The following NFIC variants were observed in gnomAD, a reference collection of about 807,000 sequenced individuals.
The protein encoded by NFIC is nuclear factor I C.
In NFIC, 12 loss-of-function variants were observed where a neutral mutation model predicts 54.4. That is an observed-to-expected ratio of 0.22 (90% CI 0.14 to 0.36). NFIC has a LOEUF of 0.36. NFIC is among the 10% of genes least tolerant of loss of function. The pLI, the probability that NFIC is intolerant of heterozygous loss-of-function variation, is 1.00. For missense variants in NFIC, 575 were observed against 718.2 expected (o/e 0.80, Z 2.28); for synonymous variants, 322 against 319.2 (o/e 1.01, Z -0.09).
At chr19:3,361,057 C>T (rs2080804344) in intron 1 of NFIC, among the ~76,000 whole-genome samples, 1 of 152,220 alleles carries the variant, frequency 6.6e-6, no homozygotes. Flanking sequence ...CTTTTCAAAA[C>T]TCTGTCCCTT....
chr19:3,443,021 G>A (rs951770137), intron 6 of NFIC, among the ~76,000 whole-genome samples: 2 of 152,238 alleles, frequency 1.3e-5, no homozygotes, highest in Admixed American at 6.5e-5. Flanking sequence ...GACATGGAGT[G>A]GGTCGAGGCC....
intron 2 of NFIC, among the ~76,000 whole-genome samples, chr19:3,396,539 T>G (rs533978129): frequency 1.3e-5 from 2 of 151,240 alleles, no homozygotes; most frequent in East Asian, 1.9e-4. Context: ...ACACCCTCAC[T>G]GGGTCTGGAT....
intron 1 of NFIC, among the ~76,000 whole-genome samples, chr19:3,376,151 A>G (rs937669204): frequency 2.0e-5 from 3 of 152,074 alleles, no homozygotes; most frequent in African/African-American, 7.2e-5. Flanking sequence ...CATCGCAGCA[A>G]TCGCGTCCAT....
intron 7 of NFIC, among the ~76,000 whole-genome samples, chr19:3,450,932 G>A (rs985846021): frequency 1.3e-5 from 2 of 152,228 alleles, no homozygotes; most frequent in African/African-American, 4.8e-5. Flanking sequence ...TATATGTCCT[G>A]TGGCAGCTCT....
chr19:3,428,619 C>T (rs999065237), intron 3 of NFIC, among the ~76,000 whole-genome samples: 4 of 152,050 alleles, frequency 2.6e-5, no homozygotes, highest in African/African-American at 4.8e-5. Context: ...GTCTGTGACC[C>T]GGGTCCTCCG....
Position 3,382,196 on chromosome 19 carries a change from C to T in NFIC, c.515C>T (p.Ala172Val). 1 of 1,609,612 alleles carries T rather than the reference C, an allele frequency of 6.2e-7. No individual in the cohort carries two copies. The highest frequency in any genetic ancestry group is 8.5e-7 in the Non-Finnish European group (1 of 1,179,824). Residue 172 changes from alanine (A) to valine (V), a missense_variant, in exon 2 of 11, where the codon GCC becomes GTC. Coordinates refer to ENST00000443272, the MANE Select transcript of NFIC (RefSeq NM_001245002.2). ...GTGCAGCCGCACCACATTGGCGTGG[C>T]CGTCAAGGAGCTGGACCTCTACCTG... ...LCVQPHHIGV[A>V]VKELDLYLAY...
chr19:3,364,820 T>A (rs185164604), upstream of NFIC, among the ~76,000 whole-genome samples: 25 of 152,302 alleles, frequency 1.6e-4, no homozygotes, highest in East Asian at 4.8e-3. Context: ...CAACTGCAAC[T>A]TTTAAATATC....
chr19:3,381,992 G>A lies in NFIC; in HGVS notation c.311G>A (p.Cys104Tyr). 1 of 1,613,520 alleles carries A rather than the reference G, an allele frequency of 6.2e-7. No homozygotes were observed. The highest frequency in any genetic ancestry group is 8.5e-7 in the Non-Finnish European group (1 of 1,179,934). Residue 104 changes from cysteine (C) to tyrosine (Y), a missense_variant, in exon 2 of 11, where the codon TGC becomes TAC. Cys to Tyr is a radical substitution (Grantham distance 194). Coordinates refer to ENST00000443272, the MANE Select transcript of NFIC (RefSeq NM_001245002.2). ...LSITGKKAPG[C>Y]VLSNPDQKGK... ...ATCACCGGCAAGAAGGCGCCGGGCT[G>A]CGTGCTCTCCAACCCCGACCAGAAG... is the stretch of plus-strand genomic sequence containing the variant.
At chr19:3,366,516 A>AT (rs2080885455), upstream of NFIC, 1 of 367,890 alleles carries the variant, frequency 2.7e-6, no homozygotes, top group South Asian at 2.9e-5. Context: ...CGGCGAGGAG[A>AT]GCGCGCCGGC....
At position 3,370,504 on chromosome 19, in the gene NFIC, T is replaced by C. The variant is rs1599555752; in HGVS notation, c.30+3838T>C. On this transcript the variant is annotated intron_variant, in intron 1 of 10. Coordinates refer to ENST00000443272, the MANE Select transcript of NFIC (RefSeq NM_001245002.2). This position sits in a 1 kb window ranked among gnomAD's most constrained non-coding sequence, Gnocchi z 5.2. ...TCCTCTCTCTCTCTCTCTCTCTCTGTCTCCCTCCCTTTCTCCCCCCATCTC... is the reference window on the plus strand; with the variant it reads ...TCCTCTCTCTCTCTCTCTCTCTCTGCCTCCCTCCCTTTCTCCCCCCATCTC... 2.0e-5 allele frequency among the ~76,000 whole-genome samples: 3 copies of C among 149,780 alleles called. No homozygotes were observed. Among genetic ancestry groups the C allele is most frequent in the African/African-American group, 7.4e-5 (3 of 40,362 alleles).
intron 2 of NFIC, among the ~76,000 whole-genome samples, chr19:3,404,524 GC>G (rs1389368287): frequency 6.6e-6 from 1 of 152,056 alleles, no homozygotes; most frequent in Non-Finnish European, 1.5e-5. Context: ...CTGCAGAGGG[GC>G]TGGGGGAGGC....
intron 2 of NFIC, among the ~76,000 whole-genome samples, chr19:3,382,671 G>C (rs971166956): frequency 3.3e-5 from 5 of 150,318 alleles, no homozygotes; most frequent in African/African-American, 1.2e-4. Context: ...TCCAAGCGGG[G>C]AGGCGGGCCT....
At chr19:3,419,813 AT>A (rs1333085704) in intron 2 of NFIC, among the ~76,000 whole-genome samples, 8 of 145,836 alleles carry the variant, frequency 5.5e-5, no homozygotes, top group East Asian at 2.0e-4. Context: ...AAAAAAAAAA[AT>A]TTAATTTAAT....
At position 3,433,500 on chromosome 19, in the gene NFIC, G is replaced by C; in HGVS notation, c.635-18G>C. On this transcript the variant is annotated intron_variant, in intron 3 of 10. Coordinates refer to ENST00000443272, the MANE Select transcript of NFIC (RefSeq NM_001245002.2). ...AGGCCCAGCTCAGCCTACTGACCCC[G>C]CTGTCTTCCTGTTCCAGACACGACC... The C allele has an allele frequency of 6.2e-7, 1 of 1,612,766 alleles. No individual in the cohort carries two copies. Among genetic ancestry groups the C allele is most frequent in the African/African-American group, 1.3e-5 (1 of 75,018 alleles).
chr19:3,367,623 G>T (rs1245964233), intron 1 of NFIC, among the ~76,000 whole-genome samples: 1 of 152,236 alleles, frequency 6.6e-6, no homozygotes, highest in Non-Finnish European at 1.5e-5. Context: ...GGCTCCCGGG[G>T]ACCCCGAGGT....
At chr19:3,390,854 CAGGGGCTGGGGA>C (rs1052213251) in intron 2 of NFIC, among the ~76,000 whole-genome samples, 1 of 107,676 alleles carries the variant, frequency 9.3e-6, no homozygotes, top group African/African-American at 3.6e-5. Context: ...TGGGGGGTGC[CAGGGGCTGGGGA>C]GGGGGCTGGG....
intron 2 of NFIC, among the ~76,000 whole-genome samples, chr19:3,395,084 C>T (rs1270220222): frequency 1.3e-5 from 2 of 152,058 alleles, no homozygotes; most frequent in East Asian, 1.9e-4. Flanking sequence ...GGAGGCTGGG[C>T]GCGGTGGCTC....
chr19:3,435,327 G>A (rs1207370835), intron 6 of NFIC, 120 bp downstream of exon 6: 3 of 1,354,746 alleles, frequency 2.2e-6, no homozygotes, highest in Non-Finnish European at 2.9e-6. Flanking sequence ...GGAGCCGCGG[G>A]GCCTCCTGGG....
intron 6 of NFIC, among the ~76,000 whole-genome samples, chr19:3,439,185 A>T (rs1250063831): frequency 1.3e-5 from 2 of 150,818 alleles, no homozygotes; most frequent in Non-Finnish European, 3.0e-5. Flanking sequence ...AAAAAAAAAA[A>T]ATAGCATCAC....
Sources: allele counts gnomAD v4.1 joint callset (sites outside exome capture counted in the v4.1 genomes callset), GRCh38; gene constraint gnomAD v4.1.1; non-coding constraint Gnocchi (gnomAD v3.1); transcripts MANE v1.5; gene names NCBI Gene and HGNC (gene_info 2026-07-23, HGNC 2026-07-21).